The following PHF24 variants were observed in gnomAD, a reference collection of about 807,000 sequenced individuals.
The protein encoded by PHF24 is PHD finger protein 24, also known as Galpha inhibitory interacting protein.
In PHF24, 25 loss-of-function variants were observed where a neutral mutation model predicts 42.6. The ratio of observed to expected loss-of-function variants is 0.59; its 90% CI spans 0.43 to 0.82. The LOEUF is 0.82. Among genes scored for constraint, PHF24 ranks in the 40% least tolerant of loss-of-function variants. The probability of loss-of-function intolerance (pLI) is 0.00; values close to 1 mark genes in which losing one functional copy is unlikely to be tolerated. For missense variants in PHF24, 470 were observed against 538.1 expected (o/e 0.87, Z 1.25); for synonymous variants, 185 against 204.8 (o/e 0.90, Z 0.83).
the PHF24 span, among the ~76,000 whole-genome samples, chr9:34,950,246 G>A: frequency 6.6e-6 from 1 of 151,510 alleles, no homozygotes; most frequent in Non-Finnish European, 1.5e-5. Flanking sequence ...TACTCGGGAG[G>A]CTGAGGCAGG....
the PHF24 span, among the ~76,000 whole-genome samples, chr9:34,906,966 G>A: frequency 7.8e-4 from 119 of 152,246 alleles, no homozygotes; most frequent in African/African-American, 2.8e-3. Context: ...GCTCACTGTA[G>A]GTGAGCACCA....
At chr9:34,982,204 C>CAA (rs1289981586) in exon 8 of PHF24, 9 of 152,308 alleles carry the variant, frequency 5.9e-5, no homozygotes, top group African/African-American at 1.9e-4. Flanking sequence ...CAGGCCTTTT[C>CAA]ATAGCCATGG....
the PHF24 span, among the ~76,000 whole-genome samples, chr9:34,738,502 C>T: frequency 1.3e-5 from 2 of 152,154 alleles, no homozygotes; most frequent in Non-Finnish European, 2.9e-5. Flanking sequence ...AGGCACCTGC[C>T]ACCATGCCCG....
At chr9:34,887,759 G>A in the PHF24 span, among the ~76,000 whole-genome samples, 2 of 152,010 alleles carry the variant, frequency 1.3e-5, no homozygotes, top group Non-Finnish European at 2.9e-5. Context: ...TATATACTAT[G>A]TTTTTTATTT....
At chr9:34,840,566 G>T in the PHF24 span, among the ~76,000 whole-genome samples, 2 of 147,754 alleles carry the variant, frequency 1.4e-5, no homozygotes, top group East Asian at 4.0e-4. Flanking sequence ...TTCTGACAAG[G>T]TCACCCAGGC....
At chr9:34,768,259 A>C in the PHF24 span, among the ~76,000 whole-genome samples, 1 of 152,224 alleles carries the variant, frequency 6.6e-6, no homozygotes. Flanking sequence ...TATCCCATGC[A>C]AGCTGTTTAA....
At chr9:34,699,899 G>A in the PHF24 span, among the ~76,000 whole-genome samples, 1 of 152,200 alleles carries the variant, frequency 6.6e-6, no homozygotes, top group African/African-American at 2.4e-5. Flanking sequence ...GGCAATAAGT[G>A]CTATGAAGAA....
At chr9:34,718,792 G>A in the PHF24 span, among the ~76,000 whole-genome samples, 1 of 152,226 alleles carries the variant, frequency 6.6e-6, no homozygotes, top group Non-Finnish European at 1.5e-5. Flanking sequence ...ACAACTCAGT[G>A]TTGAACACAA....
chr9:34,749,380 TA>T, the PHF24 span, among the ~76,000 whole-genome samples: 1 of 152,224 alleles, frequency 6.6e-6, no homozygotes, highest in East Asian at 1.9e-4. Flanking sequence ...CAAGCAAATT[TA>T]ACCCAAAGAA....
chr9:34,831,065 C>T, the PHF24 span, among the ~76,000 whole-genome samples: 32 of 152,318 alleles, frequency 2.1e-4, no homozygotes, highest in African/African-American at 7.5e-4. Context: ...GATTTGTGGT[C>T]ACTTTCTGTG....
chr9:34,972,472 A>T, exon 3 of PHF24: 4 of 1,614,052 alleles, frequency 2.5e-6, no homozygotes, highest in Non-Finnish European at 3.4e-6. Context: ...CCAAGGAGAC[A>T]GTGCAGCGGA....
the PHF24 span, among the ~76,000 whole-genome samples, chr9:34,936,629 C>T: frequency 2.7e-5 from 4 of 150,580 alleles, no homozygotes; most frequent in Admixed American, 6.6e-5. Flanking sequence ...GTGAGGAGCG[C>T]CTCTTCCCGG....
chr9:34,860,582 C>A, the PHF24 span, among the ~76,000 whole-genome samples: 1 of 151,768 alleles, frequency 6.6e-6, no homozygotes, highest in East Asian at 1.9e-4. Context: ...TTTTTTCTCT[C>A]TCTTATTTTT....
At chr9:34,753,318 T>G in the PHF24 span, among the ~76,000 whole-genome samples, 5 of 151,930 alleles carry the variant, frequency 3.3e-5, no homozygotes, top group African/African-American at 1.2e-4. Flanking sequence ...AGATACAAAA[T>G]CAACATATGA....
At chr9:34,890,560 A>G in the PHF24 span, among the ~76,000 whole-genome samples, 1 of 152,206 alleles carries the variant, frequency 6.6e-6, no homozygotes, top group African/African-American at 2.4e-5. Flanking sequence ...TTCAACGGCA[A>G]GCTGTTCTTT....
the PHF24 span, among the ~76,000 whole-genome samples, chr9:34,734,434 A>G: frequency 0.023 from 3,423 of 152,058 alleles, 144 homozygotes; most frequent in African/African-American, 0.079. Context: ...AAAAAATATC[A>G]CTCGTGGTAC....
chr9:34,924,656 A>G, the PHF24 span, among the ~76,000 whole-genome samples: 1 of 151,670 alleles, frequency 6.6e-6, no homozygotes, highest in Non-Finnish European at 1.5e-5. Context: ...TTTTCAGTCT[A>G]TTTGTGTCTT....
the PHF24 span, among the ~76,000 whole-genome samples, chr9:34,771,253 T>C: frequency 6.6e-6 from 1 of 152,222 alleles, no homozygotes; most frequent in Non-Finnish European, 1.5e-5. Flanking sequence ...CAAACCTAGA[T>C]GGTATAGCCT....
chr9:34,779,649 T>C, the PHF24 span, among the ~76,000 whole-genome samples: 9 of 152,208 alleles, frequency 5.9e-5, no homozygotes, highest in South Asian at 1.7e-3. Context: ...ATTGTTTTAC[T>C]GGCATAGTAG....
Sources: allele counts gnomAD v4.1 joint callset (sites outside exome capture counted in the v4.1 genomes callset), GRCh38; gene constraint gnomAD v4.1.1; transcripts MANE v1.5; gene names NCBI Gene and HGNC (gene_info 2026-07-23, HGNC 2026-07-21).